The following AKAP8 variants were observed in gnomAD, a reference collection of about 807,000 sequenced individuals.
The protein encoded by AKAP8 is A-kinase anchoring protein 8.
Under a neutral mutation model 67.5 loss-of-function variants are expected in AKAP8, and 24 were observed. The observed-to-expected ratio is 0.36, with a 90% CI of 0.26 to 0.50. The LOEUF (loss-of-function observed/expected upper bound fraction) is 0.50, where lower values mean the gene tolerates loss of function less well. AKAP8 is among the 20% of genes least tolerant of loss of function. The pLI, the probability that AKAP8 is intolerant of heterozygous loss-of-function variation, is 0.97. For synonymous variants in AKAP8, 400 were observed against 371.1 expected (o/e 1.08, Z -0.90); for missense variants, 971 against 955.9 (o/e 1.02, Z -0.21).
At chr19:15,377,138 C>T (rs1199496104) in intron 1 of AKAP8, 124 bp from the exon 2 acceptor site, 4 of 1,065,866 alleles carry the variant, frequency 3.8e-6, no homozygotes, top group Non-Finnish European at 5.4e-6. Context: ...AAGACTCCCC[C>T]CCACCCCACC....
At chr19:15,357,360 C>CA (rs1331797682) in intron 13 of AKAP8, among the ~76,000 whole-genome samples, 1 of 138,058 alleles carries the variant, frequency 7.2e-6, no homozygotes, top group Non-Finnish European at 1.5e-5. Flanking sequence ...ACCCAGGACA[C>CA]AGAGCTTGCA....
At chr19:15,377,765 G>A (rs1387032763) in intron 1 of AKAP8, among the ~76,000 whole-genome samples, 1 of 152,154 alleles carries the variant, frequency 6.6e-6, no homozygotes, top group African/African-American at 2.4e-5. Flanking sequence ...ACCGCGCCAG[G>A]CCCTTCCTGC....
In AKAP8 at chr19:15,373,029, T is replaced by A. The variant is rs1010782035; in HGVS notation, c.683A>T (p.Asn228Ile). 3.8e-6 allele frequency: 6 copies of A among 1,593,098 alleles called. No homozygotes were observed. The East Asian group carries it at 1.4e-4, about 36-fold the overall frequency. The change falls in exon 5 of 14, where the codon AAC becomes ATC. Residue 228 changes from asparagine to isoleucine, a missense_variant. Around this residue, in one of 3 missense-constraint regions of AKAP8, gnomAD observed 763 missense variants for 745.4 expected, o/e 1.02. Transcript: ENST00000269701. ...TCCCAGGCCCCGTCCACCCACGTAG[T>A]TCAGCTCGTTCCAGGGCGTGGACAG... ...EPLSTPWNEL[N>I]YVGGRGLGGP...
chr19:15,365,565 G>A (rs1292408279), intron 9 of AKAP8, among the ~76,000 whole-genome samples: 1 of 152,162 alleles, frequency 6.6e-6, no homozygotes, highest in African/African-American at 2.4e-5. Flanking sequence ...CCTCTGACAA[G>A]CAACATGAAG....
chr19:15,369,273 C>T lies in AKAP8; in HGVS notation c.1072+873G>A, dbSNP rs557442771. 1.3e-5 allele frequency: 13 copies of T among 985,450 alleles called. No homozygotes were observed. In the East Asian group the frequency reaches 6.8e-4, roughly 52 times the overall value. 61.0% of individuals were successfully genotyped at this position (985,450 alleles called of 1,614,324 possible). ...TTTGCTTTAGCATTGTGCCGCTAAG[C>T]GCTCGGGGCGCCCCGTGCTATGGAC... On this transcript the variant is annotated intron_variant, in intron 8 of 13. Coordinates refer to ENST00000269701, the MANE Select transcript of AKAP8 (RefSeq NM_005858.4). The surrounding 1 kb of genome is among the most constrained non-coding windows in gnomAD (Gnocchi z 4.6).
chr19:15,365,896 G>A (rs902609801), intron 9 of AKAP8, among the ~76,000 whole-genome samples: 7 of 151,936 alleles, frequency 4.6e-5, no homozygotes, highest in African/African-American at 1.2e-4. Context: ...GGTGGCGGGC[G>A]CCTGTAATTC....
chr19:15,366,154 G>GAAAAAAAAAAAAAAAAAAAAAAAAGA (rs374068497), intron 9 of AKAP8, among the ~76,000 whole-genome samples: 2 of 95,018 alleles, frequency 2.1e-5, no homozygotes, highest in Non-Finnish European at 3.9e-5. Flanking sequence ...AAAGCAAAAA[G>GAAAAAAAAAAAAAAAAAAAAAAAAGA]AAAAAAAAAA....
rs774075327 is a variant in AKAP8, at chr19:15,355,193, C to T, written c.1801G>A (p.Gly601Arg). Residue 601 changes from glycine to arginine, a missense_variant, in exon 14 of 14, where the codon GGG becomes AGG. Physicochemically the swap from Gly to Arg is moderately radical, Grantham distance 125 (BLOSUM62 -2). This residue lies in a region of AKAP8 where 204 missense variants were observed against 193.0 expected (regional missense o/e 1.06). Coordinates refer to ENST00000269701, the MANE Select transcript of AKAP8 (RefSeq NM_005858.4). ...GEGAPAPESS[G>R]EPAEDEGPTD... is the part of the protein sequence containing the mutation. ...GGGCCTTCGTCCTCAGCCGGCTCCC[C>T]GCTGCTCTCTGGAGCGGGCGCTCCT... 1.2e-5 allele frequency: 19 copies of T among 1,611,724 alleles called. 1 individual carries two copies. Among genetic ancestry groups the T allele is most frequent in the Middle Eastern group, 3.3e-4 (2 of 6,084 alleles).
intron 7 of AKAP8, among the ~76,000 whole-genome samples, chr19:15,371,700 G>C (rs1258728585): frequency 6.6e-6 from 1 of 151,968 alleles, no homozygotes; most frequent in Non-Finnish European, 1.5e-5. Flanking sequence ...TGTTGGCCAG[G>C]CTGGTCTCCA....
At chr19:15,376,539 G>A (rs1336933967) in intron 2 of AKAP8, among the ~76,000 whole-genome samples, 2 of 152,116 alleles carry the variant, frequency 1.3e-5, no homozygotes, top group African/African-American at 2.4e-5. Flanking sequence ...CAGGTGTAGT[G>A]TACACTCAGT....
Position 15,354,753 on chromosome 19 carries a change from AGCC to A in AKAP8, c.*159_*161del, listed in dbSNP as rs1313419105. 2.7e-6 allele frequency: 2 copies of A among 754,712 alleles called. No individual in the cohort carries two copies. Among genetic ancestry groups the A allele is most frequent in the African/African-American group, 3.5e-5 (2 of 56,846 alleles). 46.8% of individuals were successfully genotyped at this position (754,712 alleles called of 1,614,324 possible). The stretch of plus-strand genomic sequence containing the variant: ...AGAAGCCACACGACTGCATGAGACA[AGCC>A]GTGAGAGGCACTGCTCAGGAGGAAA... On this transcript the variant is annotated 3_prime_UTR_variant, in exon 14 of 14. Transcript: ENST00000269701.
chr19:15,377,048 T>A (rs898174584), intron 1 of AKAP8, 34 bp from the exon 2 acceptor site: 47 of 1,608,796 alleles, frequency 2.9e-5, no homozygotes, highest in Non-Finnish European at 3.7e-5. Flanking sequence ...AAATTCTATT[T>A]GTCACACCAG....
intron 1 of AKAP8, among the ~76,000 whole-genome samples, chr19:15,377,468 T>C (rs1967272940): frequency 6.6e-6 from 1 of 152,238 alleles, no homozygotes; most frequent in Admixed American, 6.5e-5. Flanking sequence ...CTGCACTTCC[T>C]GCCACTTTTT....
chr19:15,372,954 G>A lies in AKAP8; in HGVS notation c.758C>T (p.Ala253Val), dbSNP rs1967186028. The change falls in exon 5 of 14, where the codon GCT (alanine) becomes GTT (valine). Residue 253 changes from alanine (A) to valine (V), a missense_variant. Transcript: ENST00000269701. ...PPPSLFSQSM[A>V]PDYGVMGMQG... ...CATGCCCATCACGCCGTAGTCGGGA[G>A]CCATGGACTGGGAGAAGAGGGACGG... 1 of 1,553,556 alleles carries A rather than the reference G, an allele frequency of 6.4e-7. No homozygotes were observed. Among genetic ancestry groups the A allele is most frequent in the African/African-American group, 1.4e-5 (1 of 73,144 alleles).
chr19:15,376,071 A>G (rs1335792475), intron 2 of AKAP8, among the ~76,000 whole-genome samples: 4 of 152,036 alleles, frequency 2.6e-5, no homozygotes, highest in African/African-American at 7.3e-5. Flanking sequence ...CCGGGACTAC[A>G]GGCACGCACT....
chr19:15,355,195 C>G lies in AKAP8; in HGVS notation c.1799G>C (p.Ser600Thr), dbSNP rs767857353. Residue 600 changes from serine to threonine, a missense_variant, in exon 14 of 14, where the codon AGC (serine) becomes ACC (threonine). Transcript: ENST00000269701. ...GCCTTCGTCCTCAGCCGGCTCCCCGCTGCTCTCTGGAGCGGGCGCTCCTTC... is the reference window on the plus strand; with the variant it reads ...GCCTTCGTCCTCAGCCGGCTCCCCGGTGCTCTCTGGAGCGGGCGCTCCTTC... ...DGEGAPAPES[S>T]GEPAEDEGPT... The G allele has an allele frequency of 6.2e-7, 1 of 1,611,846 alleles. No individual in the cohort carries two copies. Among genetic ancestry groups the G allele is most frequent in the South Asian group, 1.1e-5 (1 of 91,090 alleles).
At chr19:15,379,645 T>G (rs1967337717) in intron 1 of AKAP8, 68 bp downstream of exon 1, 1 of 1,546,168 alleles carries the variant, frequency 6.5e-7, no homozygotes, top group Non-Finnish European at 8.7e-7. Context: ...GGCGGCAGTC[T>G]GCGCAGCGGC....
intron 9 of AKAP8, 79 bp from the exon 10 acceptor site, chr19:15,362,330 G>T (rs1257041641): frequency 7.9e-6 from 12 of 1,520,810 alleles, no homozygotes; most frequent in Non-Finnish European, 1.1e-5. Context: ...CACCTCTGAG[G>T]AGAGCTGAAA....
At chr19:15,366,349 A>G (rs1007079482) in intron 9 of AKAP8, among the ~76,000 whole-genome samples, 1 of 152,126 alleles carries the variant, frequency 6.6e-6, no homozygotes, top group Non-Finnish European at 1.5e-5. Context: ...CTCAGTTTCC[A>G]TGTGACATGA....
Sources: gnomAD v4.1 joint callset for allele counts (sites outside exome capture counted in the v4.1 genomes callset) on GRCh38, gnomAD v4.1.1 for gene constraint, gnomAD v4.1.1 regional missense constraint, Gnocchi (gnomAD v3.1) non-coding constraint, MANE v1.5 for transcripts, NCBI Gene and HGNC (gene_info 2026-07-23, HGNC 2026-07-21) for gene names.